CTTN: variants seen among roughly 807,000 people sequenced by gnomAD.
CTTN encodes the protein src substrate cortactin.
CTTN carries 28 observed loss-of-function variants against 84.0 expected under a neutral mutation model. The ratio of observed to expected loss-of-function variants is 0.33; its 90% confidence interval spans 0.25 to 0.46. CTTN has a LOEUF of 0.46. Among genes scored for constraint, CTTN ranks in the 20% least tolerant of loss-of-function variants. CTTN has a pLI of 1.00. For synonymous variants in CTTN, 301 were observed against 288.8 expected, an observed-to-expected ratio of 1.04 and a Z score of -0.43; for missense variants, 641 against 723.8, an observed-to-expected ratio of 0.89 and a Z score of 1.31.
Position 70,435,204 on chromosome 11 carries a change from A to G in CTTN, c.*42A>G, listed in dbSNP as rs368163972. ...CCGGAGCTGCGCCCTGGATCCTCAC[A>G]CTACAGATCAGGCCTTCTTTGGTTC... On this transcript the variant is annotated 3_prime_UTR_variant, in exon 18 of 18. Transcript: ENST00000301843. The G allele has an allele frequency of 1.0e-4, 155 of 1,530,394 alleles. No homozygotes were observed. In the African/African-American group the frequency reaches 1.9e-3, roughly 19 times the overall value. 94.8% of individuals were successfully genotyped at this position (1,530,394 alleles called of 1,614,324 possible). A position where few individuals can be genotyped will look rare whatever the true frequency, so the allele number is the denominator to read the frequency against.
intron 13 of CTTN, 33 bp from the exon 14 acceptor site, chr11:70,429,018 T>G (rs756541451): frequency 1.4e-5 from 22 of 1,612,972 alleles, no homozygotes; most frequent in Non-Finnish European, 1.9e-5. Context: ...TTTGCTGTGC[T>G]CAAGGCACAC....
Position 70,436,019 on chromosome 11 carries a change from T to A in CTTN, c.*857T>A. 7.0e-7 allele frequency: 1 copy of A among 1,426,416 alleles called. No homozygotes were observed. The allele number at this position is 1,426,416 out of a possible 1,614,324, so 88.4% of individuals were successfully genotyped here. ...ATGGTCCCTGGGCCACCGGGCAGCC[T>A]GGGGCGGTGTGTGTGCCATGTCACA... On this transcript the variant is annotated 3_prime_UTR_variant, in exon 18 of 18. Transcript: ENST00000301843.
Position 70,429,078 on chromosome 11 carries a change from C to G in CTTN, c.1055C>G (p.Ala352Gly), listed in dbSNP as rs1271941398. 1 of 1,614,224 alleles carries G rather than the reference C, an allele frequency of 6.2e-7. No individual in the cohort carries two copies. Among genetic ancestry groups the G allele is most frequent in the Non-Finnish European group, 8.5e-7 (1 of 1,180,036 alleles). ...AVTSKTSNIRANFENLAKEKE... is the reference protein window; with the variant it reads ...AVTSKTSNIRGNFENLAKEKE... ...ACCAGCAAAACAAGTAACATCAGAGCTAACTTTGAAAACCTCGCTAAGGAG... is the reference window on the plus strand; with the variant it reads ...ACCAGCAAAACAAGTAACATCAGAGGTAACTTTGAAAACCTCGCTAAGGAG... Residue 352 changes from alanine (A) to glycine (G), a missense_variant, in exon 14 of 18, where the codon GCT (alanine) becomes GGT (glycine). Physicochemically the swap from Ala to Gly is moderately conservative, Grantham distance 60. Around this residue, in one of 3 missense-constraint regions of CTTN, gnomAD observed 289 missense variants for 273.1 expected, o/e 1.06. Transcript: ENST00000301843.
At chr11:70,425,734 C>T (rs974120104) in intron 13 of CTTN, among the ~76,000 whole-genome samples, 3 of 152,200 alleles carry the variant, frequency 2.0e-5, no homozygotes, top group Admixed American at 1.3e-4. Context: ...CTGCCCAACT[C>T]CCTGAGCCGC....
chr11:70,427,447 T>G (rs1227552968), intron 13 of CTTN, among the ~76,000 whole-genome samples: 1 of 152,220 alleles, frequency 6.6e-6, no homozygotes, highest in Non-Finnish European at 1.5e-5. Flanking sequence ...GTTTTGTAAA[T>G]CTCTTTAATA....
chr11:70,399,287 T>G (rs1338346548), intron 1 of CTTN, among the ~76,000 whole-genome samples: 4 of 21,108 alleles, frequency 1.9e-4, no homozygotes, highest in Admixed American at 6.0e-4. Context: ...GGAAGGGAAT[T>G]GGGGTTCGAG....
intron 5 of CTTN, among the ~76,000 whole-genome samples, chr11:70,413,506 AAGCAGCTGTGGAC>A (rs2058119074): frequency 6.6e-6 from 1 of 152,174 alleles, no homozygotes; most frequent in Non-Finnish European, 1.5e-5. Context: ...TGAATCACAC[AAGCAGCTGTGGAC>A]AGCACACCTG....
intron 5 of CTTN, among the ~76,000 whole-genome samples, chr11:70,413,380 T>C (rs1345668173): frequency 6.6e-6 from 1 of 152,124 alleles, no homozygotes; most frequent in East Asian, 1.9e-4. Flanking sequence ...GGAGGGAGCC[T>C]CAGAACCCTG....
rs762314203 is a variant in CTTN at position 70,435,737 on chromosome 11, A to G, written c.*575A>G. ...CCTATGTCATACCGTGACAGCCCGC[A>G]GGATCAGGTGACTTCTAGCAGAGAC... On this transcript the variant is annotated 3_prime_UTR_variant, in exon 18 of 18. Transcript: ENST00000301843. 1.0e-5 allele frequency: 16 copies of G among 1,597,776 alleles called. No individual in the cohort carries two copies. The South Asian group carries it at 1.4e-4, about 14-fold the overall frequency.
At chr11:70,421,850 A>G (rs1271595639) in intron 11 of CTTN, 2 of 431,288 alleles carry the variant, frequency 4.6e-6, no homozygotes, top group Non-Finnish European at 8.3e-6. Context: ...CCGGTGACCC[A>G]TCCAGTCTCT....
chr11:70,435,191 C>T lies in CTTN; in HGVS notation c.*29C>T, dbSNP rs1319552514. ...CCCCAGCCCCCCCCCGGAGCTGCGC[C>T]CTGGATCCTCACACTACAGATCAGG... On this transcript the variant is annotated 3_prime_UTR_variant, in exon 18 of 18. Coordinates refer to ENST00000301843, the MANE Select transcript of CTTN (RefSeq NM_005231.4). 1 of 1,587,762 alleles carries T rather than the reference C, an allele frequency of 6.3e-7. No individual in the cohort carries two copies. The highest frequency in any genetic ancestry group is 1.7e-5 in the Admixed American group (1 of 57,580).
intron 7 of CTTN, 120 bp downstream of exon 7, chr11:70,415,837 GA>G: frequency 1.1e-6 from 1 of 934,962 alleles, no homozygotes; most frequent in Non-Finnish European, 1.7e-6. Context: ...ACAGCCACCT[GA>G]AGCCGTTTCC....
intron 12 of CTTN, among the ~76,000 whole-genome samples, chr11:70,423,375 C>T (rs1249072226): frequency 2.0e-5 from 3 of 152,354 alleles, no homozygotes; most frequent in Non-Finnish European, 4.4e-5. Flanking sequence ...GGGGCTACCT[C>T]GCTGGCAGCC....
In CTTN at chr11:70,405,373, T is replaced by C. The variant is rs1460698675; in HGVS notation, c.-1+12T>C. The stretch of plus-strand genomic sequence containing the variant: ...AAGCGGAAAGAAAGGTACTTGTGCA[T>C]TGTGAACATCCTAACATTCTTTTCC... On this transcript the variant is annotated intron_variant, in intron 2 of 17. Transcript: ENST00000301843. The C allele has an allele frequency of 1.3e-5, 2 of 152,208 alleles. No individual in the cohort carries two copies. The highest frequency in any genetic ancestry group is 1.3e-4 in the Admixed American group (2 of 15,280). 9.4% of individuals were successfully genotyped at this position (152,208 alleles called of 1,614,324 possible).
Position 70,435,293 on chromosome 11 carries a change from G to GAATA in CTTN, c.*132_*135dup. 1 of 1,374,208 alleles carries GAATA rather than the reference G, an allele frequency of 7.3e-7. No individual in the cohort carries two copies. Among genetic ancestry groups the GAATA allele is most frequent in the Non-Finnish European group, 9.5e-7 (1 of 1,054,690 alleles). 85.1% of individuals were successfully genotyped at this position (1,374,208 alleles called of 1,614,324 possible). ...TTTTTTTTTTTGAAGGTGGGGAGGG[G>GAATA]AATATACACATTGCTTTTATATTTA... is the stretch of plus-strand genomic sequence containing the variant. On this transcript the variant is annotated 3_prime_UTR_variant, in exon 18 of 18. Coordinates refer to ENST00000301843, the MANE Select transcript of CTTN (RefSeq NM_005231.4).
intron 1 of CTTN, among the ~76,000 whole-genome samples, 171 bp from the exon 2 acceptor site, chr11:70,405,094 T>C (rs1404571962): frequency 1.3e-5 from 2 of 152,258 alleles, no homozygotes; most frequent in African/African-American, 4.8e-5. Flanking sequence ...TGAACTTTTT[T>C]ATTAGTAAAA....
Position 70,407,503 on chromosome 11 carries a change from C to G in CTTN, c.88-15C>G. 1 of 1,613,870 alleles carries G rather than the reference C, an allele frequency of 6.2e-7. No individual in the cohort carries two copies. Among genetic ancestry groups the G allele is most frequent in the Non-Finnish European group, 8.5e-7 (1 of 1,179,916 alleles). On this transcript the variant is annotated splice_polypyrimidine_tract_variant and intron_variant, in intron 3 of 17. Transcript: ENST00000301843. ...AATCCAGGCTGTGAGATTTACTGGT[C>G]GCTTTTCTTTTCAGAATGATGTGAG...
At position 70,407,393 on chromosome 11, in the gene CTTN, C is replaced by T. The variant is rs536555864; in HGVS notation, c.87+9C>T. The T allele has an allele frequency of 7.5e-6, 12 of 1,607,816 alleles. No homozygotes were observed. Among genetic ancestry groups the T allele is most frequent in the African/African-American group, 1.3e-5 (1 of 74,920 alleles). The stretch of plus-strand genomic sequence containing the variant: ...CCGACCCTGATTTTGTGGTAGGAGC[C>T]GCCAGCCTTTGCTTTCCTCTTTCAT... On this transcript the variant is annotated intron_variant, in intron 3 of 17. Coordinates refer to ENST00000301843, the MANE Select transcript of CTTN (RefSeq NM_005231.4).
intron 10 of CTTN, among the ~76,000 whole-genome samples, chr11:70,420,841 G>A (rs2058227128): frequency 6.6e-6 from 1 of 151,910 alleles, no homozygotes; most frequent in African/African-American, 2.4e-5. Context: ...ACCCGGGAGT[G>A]GGGGCATGTG....
Sources: gnomAD v4.1 joint callset for allele counts (sites outside exome capture counted in the v4.1 genomes callset) on GRCh38, gnomAD v4.1.1 for gene constraint, gnomAD v4.1.1 regional missense constraint, MANE v1.5 for transcripts, NCBI Gene and HGNC (gene_info 2026-07-23, HGNC 2026-07-21) for gene names.